PANK1: variants seen among roughly 807,000 people sequenced by gnomAD.
The protein encoded by PANK1 is pantothenate kinase 1, also known as pantothenic acid kinase 1.
A neutral mutation model predicts 40.1 loss-of-function variants in PANK1; 18 were observed. The observed-to-expected ratio is 0.45, with a 90% CI of 0.31 to 0.67. The LOEUF (loss-of-function observed/expected upper bound fraction) is 0.67. Among genes scored for constraint, PANK1 ranks in the 30% least tolerant of loss-of-function variants. PANK1 has a pLI of 0.06. For missense variants in PANK1, 457 were observed against 599.6 expected, an observed-to-expected ratio of 0.76 and a Z score of 2.48; for synonymous variants, 242 against 237.7, an observed-to-expected ratio of 1.02 and a Z score of -0.17.
chr10:89,622,001 G>A (rs763428790), intron 1 of PANK1, among the ~76,000 whole-genome samples: 10 of 152,094 alleles, frequency 6.6e-5, no homozygotes, highest in African/African-American at 1.9e-4. Flanking sequence ...GGCATGAGCC[G>A]CTGCATCTGG....
At position 89,583,164 on chromosome 10, in the gene PANK1, T is replaced by C. The variant is rs920348826; in HGVS notation, c.*1242A>G. 1 of 152,146 alleles carries C rather than the reference T, an allele frequency of 6.6e-6. No individual in the cohort carries two copies. Among genetic ancestry groups the C allele is most frequent in the African/African-American group, 2.4e-5 (1 of 41,452 alleles). 9.4% of individuals were successfully genotyped at this position (152,146 alleles called of 1,614,324 possible). ...AAATCCCTTTCAACAATAAGCTCAA[T>C]ACACAAGATCATGGGATCTCATGCA... On this transcript the variant is annotated 3_prime_UTR_variant, in exon 7 of 7. Coordinates refer to ENST00000307534, the MANE Select transcript of PANK1 (RefSeq NM_148977.3).
At chr10:89,610,823 C>A (rs565059278) in intron 2 of PANK1, among the ~76,000 whole-genome samples, 3 of 152,326 alleles carry the variant, frequency 2.0e-5, no homozygotes, top group Admixed American at 2.0e-4. Context: ...CTTCCATGTT[C>A]AATCACTTTT....
chr10:89,590,519 C>T lies in PANK1; in HGVS notation c.1201-1742G>A, dbSNP rs573624825. On this transcript the variant is annotated intron_variant, in intron 5 of 6. Coordinates refer to ENST00000307534, the MANE Select transcript of PANK1 (RefSeq NM_148977.3). ...CTGTTAATATTACAATCAACATATC[C>T]GATGACTCAGCAAGTTCCCTTCTAG... is the stretch of plus-strand genomic sequence containing the variant. Among the ~76,000 whole-genome samples, 44 of 152,146 alleles carry T rather than the reference C, an allele frequency of 2.9e-4. 1 individual carries two copies. The highest frequency in any genetic ancestry group is 1.0e-3 in the African/African-American group (42 of 41,520).
At chr10:89,625,004 T>G (rs1017425040) in intron 1 of PANK1, among the ~76,000 whole-genome samples, 6 of 152,350 alleles carry the variant, frequency 3.9e-5, no homozygotes, top group African/African-American at 1.4e-4. Flanking sequence ...GCTCAAGTGA[T>G]CCTCCCACCT....
At position 89,593,258 on chromosome 10, in the gene PANK1, GC is replaced by G. The variant is rs1229018549; in HGVS notation, c.1138del (p.Ala380ProfsTer19). ...GTTGTTGGTGATGGTGACCAATGTG[GC>G]CCGGGCGAGGTCTTCCTTGCTGATG... Reference protein sequence around the residue: ...DSISKEDLARATLVTITNNIG... With the variant: ...DSISKEDLARXTLVTITNNIG... On this transcript the variant is annotated frameshift_variant, in exon 5 of 7. Transcript: ENST00000307534. LOFTEE classifies it high-confidence loss of function. The G allele has an allele frequency of 6.2e-7, 1 of 1,613,460 alleles. No homozygotes were observed. Among genetic ancestry groups the G allele is most frequent in the African/African-American group, 1.3e-5 (1 of 74,884 alleles).
At chr10:89,608,920 C>T (rs1168492010) in intron 2 of PANK1, among the ~76,000 whole-genome samples, 1 of 152,214 alleles carries the variant, frequency 6.6e-6, no homozygotes, top group Admixed American at 6.5e-5. Flanking sequence ...GCCTAACACA[C>T]TCTTTCTTTG....
intron 5 of PANK1, among the ~76,000 whole-genome samples, chr10:89,590,035 G>GAAA (rs11389233): frequency 1.0e-5 from 1 of 100,400 alleles, no homozygotes; most frequent in Non-Finnish European, 2.2e-5. Context: ...TGTTAAAAAA[G>GAAA]AAAAAAAAAA....
At chr10:89,581,754 A>C (rs1235672104), downstream of PANK1, 2 of 152,242 alleles carry the variant, frequency 1.3e-5, no homozygotes, top group African/African-American at 4.8e-5. Flanking sequence ...TGTCAGAGTC[A>C]GTATCCTGTT....
chr10:89,636,530 C>T (rs1397189295), intron 1 of PANK1, among the ~76,000 whole-genome samples: 1 of 152,050 alleles, frequency 6.6e-6, no homozygotes, highest in African/African-American at 2.4e-5. Flanking sequence ...TGGCTCACTG[C>T]AACCTCCACC....
chr10:89,624,205 T>C (rs114377150), intron 1 of PANK1, among the ~76,000 whole-genome samples: 286 of 152,328 alleles, frequency 1.9e-3, no homozygotes, highest in African/African-American at 6.7e-3. Context: ...CTGAATTTCA[T>C]CACCTCTGCT....
intron 1 of PANK1, among the ~76,000 whole-genome samples, chr10:89,624,363 A>G (rs544753330): frequency 6.6e-6 from 1 of 152,356 alleles, no homozygotes; most frequent in South Asian, 2.1e-4. Flanking sequence ...ACTATATAAT[A>G]TTAATACATT....
At chr10:89,620,929 A>G (rs547937752) in intron 1 of PANK1, among the ~76,000 whole-genome samples, 3 of 152,196 alleles carry the variant, frequency 2.0e-5, no homozygotes, top group Non-Finnish European at 2.9e-5. Flanking sequence ...GGTTTCCCCG[A>G]TACACTTCAA....
chr10:89,601,692 T>A (rs957415087), intron 2 of PANK1, among the ~76,000 whole-genome samples: 11 of 152,198 alleles, frequency 7.2e-5, no homozygotes, highest in Non-Finnish European at 1.5e-4. Context: ...GAAATAAACA[T>A]TCTAAATGAC....
intron 1 of PANK1, among the ~76,000 whole-genome samples, chr10:89,625,542 A>G (rs1845636526): frequency 6.6e-6 from 1 of 152,142 alleles, no homozygotes. Flanking sequence ...CTTAAAAGTA[A>G]GCATACATTC....
intron 1 of PANK1, among the ~76,000 whole-genome samples, chr10:89,639,797 C>T (rs1438621521): frequency 6.6e-6 from 1 of 152,188 alleles, no homozygotes; most frequent in Non-Finnish European, 1.5e-5. Context: ...CCCTATCTCA[C>T]AGGCTGCTGG....
chr10:89,616,223 C>G (rs1336912595), intron 1 of PANK1, among the ~76,000 whole-genome samples: 1 of 152,130 alleles, frequency 6.6e-6, no homozygotes, highest in Non-Finnish European at 1.5e-5. Context: ...GTTCATAAAA[C>G]CAAGTGCTAC....
At chr10:89,631,598 T>A (rs981738830) in intron 1 of PANK1, among the ~76,000 whole-genome samples, 3 of 152,208 alleles carry the variant, frequency 2.0e-5, no homozygotes, top group African/African-American at 7.2e-5. Flanking sequence ...TGTTCTTTAG[T>A]TCTTAATCTA....
intron 2 of PANK1, among the ~76,000 whole-genome samples, chr10:89,607,067 G>C (rs1286377612): frequency 6.6e-6 from 1 of 152,130 alleles, no homozygotes; most frequent in Non-Finnish European, 1.5e-5. Flanking sequence ...TTCACAGCTT[G>C]GCTAACCATA....
intron 5 of PANK1, among the ~76,000 whole-genome samples, chr10:89,591,132 T>C (rs1589759644): frequency 6.6e-6 from 1 of 152,206 alleles, no homozygotes; most frequent in Admixed American, 6.5e-5. Flanking sequence ...AATAAAGCTA[T>C]TATTTTGTAA....
Sources: gnomAD v4.1 joint callset for allele counts (sites outside exome capture counted in the v4.1 genomes callset) on GRCh38, gnomAD v4.1.1 for gene constraint, MANE v1.5 for transcripts, NCBI Gene and HGNC (gene_info 2026-07-23, HGNC 2026-07-21) for gene names.